Variants in SMAP2 observed in about 807,000 individuals in gnomAD.
SMAP2 encodes stromal membrane-associated protein 2.
Under a neutral mutation model 56.4 loss-of-function variants are expected in SMAP2, and 25 were observed. The observed-to-expected ratio is 0.44, with a 90% CI of 0.32 to 0.62. The LOEUF (loss-of-function observed/expected upper bound fraction) is 0.62. SMAP2 is among the 20% of genes least tolerant of loss of function. The pLI is 0.04. For synonymous variants in SMAP2, 157 were observed against 181.7 expected (o/e 0.86, Z 1.09); for missense variants, 388 against 545.6 (o/e 0.71, Z 2.88).
At chr1:40,352,410 T>C (rs1311907373) in intron 1 of SMAP2, among the ~76,000 whole-genome samples, 1 of 152,224 alleles carries the variant, frequency 6.6e-6, no homozygotes, top group Non-Finnish European at 1.5e-5. Flanking sequence ...CTGCCTATAA[T>C]GTTCTCCTCC....
At chr1:40,410,677 A>G (rs1007574072) in intron 4 of SMAP2, among the ~76,000 whole-genome samples, 1 of 152,180 alleles carries the variant, frequency 6.6e-6, no homozygotes, top group Non-Finnish European at 1.5e-5. Flanking sequence ...CCAAGAACAC[A>G]TTCCATCCTA....
chr1:40,376,745 G>A (rs570390624), intron 1 of SMAP2, among the ~76,000 whole-genome samples: 1 of 152,254 alleles, frequency 6.6e-6, no homozygotes, highest in East Asian at 1.9e-4. Flanking sequence ...TGAGAATTGG[G>A]TTTCAGTTTA....
intron 1 of SMAP2, among the ~76,000 whole-genome samples, chr1:40,387,274 C>T (rs1032795062): frequency 6.6e-6 from 1 of 151,992 alleles, no homozygotes; most frequent in Non-Finnish European, 1.5e-5. Flanking sequence ...GTGTAAATAC[C>T]TTTATTGTAT....
Position 40,420,765 on chromosome 1 carries a change from C to G in SMAP2, c.1165-1211C>G, listed in dbSNP as rs562778514. ...GAACCTCGATCCAATTATGAGAAAA[C>G]ATGAGATGAATCCAAATTGAGGGGT... is the stretch of plus-strand genomic sequence containing the variant. On this transcript the variant is annotated intron_variant, in intron 9 of 9. Coordinates refer to ENST00000372718, the MANE Select transcript of SMAP2 (RefSeq NM_022733.3). 3.9e-5 allele frequency among the ~76,000 whole-genome samples: 6 copies of G among 152,252 alleles called. No individual in the cohort carries two copies. The South Asian group carries it at 1.2e-3, about 32-fold the overall frequency.
At chr1:40,348,297 G>A (rs1467625822) in intron 1 of SMAP2, among the ~76,000 whole-genome samples, 1 of 152,160 alleles carries the variant, frequency 6.6e-6, no homozygotes, top group African/African-American at 2.4e-5. Flanking sequence ...CCAGAATTGA[G>A]TTAACAAATT....
rs749935818 is a variant in SMAP2 at position 40,423,052 on chromosome 1, G to A, written c.*951G>A. The A allele has an allele frequency of 8.5e-5, 13 of 152,490 alleles. No individual in the cohort carries two copies. The highest frequency in any genetic ancestry group is 3.1e-4 in the African/African-American group (13 of 41,388). The allele number at this position is 152,490 out of a possible 1,614,324, so 9.4% of individuals were successfully genotyped here. A position where few individuals can be genotyped will look rare whatever the true frequency, so the allele number is the denominator to read the frequency against. ...GTGTTTTTCTTATGGTTTAAAAAAC[G>A]CCATGTCATTGATAACTCCCTTTCT... On this transcript the variant is annotated 3_prime_UTR_variant, in exon 10 of 10. Coordinates refer to ENST00000372718, the MANE Select transcript of SMAP2 (RefSeq NM_022733.3).
intron 1 of SMAP2, among the ~76,000 whole-genome samples, chr1:40,356,397 GGTTTTTTGTTTTTTTTT>G (rs1455857600): frequency 6.7e-6 from 1 of 150,218 alleles, no homozygotes; most frequent in Non-Finnish European, 1.5e-5. Context: ...GTTTTTTGTG[GGTTTTTTGTTTTTTTTT>G]GTTTTTTTTT....
intron 1 of SMAP2, among the ~76,000 whole-genome samples, chr1:40,347,985 C>A (rs1016042385): frequency 6.6e-6 from 1 of 151,900 alleles, no homozygotes; most frequent in African/African-American, 2.4e-5. Flanking sequence ...TTCAATTTCT[C>A]ACTATTATAA....
chr1:40,378,000 T>A (rs190692778), intron 1 of SMAP2, among the ~76,000 whole-genome samples: 1 of 152,352 alleles, frequency 6.6e-6, no homozygotes, highest in Admixed American at 6.5e-5. Flanking sequence ...TTATAATATC[T>A]AATACAATGT....
chr1:40,370,870 A>G (rs1205113398), upstream of SMAP2, among the ~76,000 whole-genome samples: 4 of 151,006 alleles, frequency 2.6e-5, no homozygotes, highest in Admixed American at 2.0e-4. Flanking sequence ...AAAAAAAAAA[A>G]AAGAAAAGAA....
chr1:40,362,691 T>G (rs1487233980), intron 2 of SMAP2, among the ~76,000 whole-genome samples: 1 of 152,150 alleles, frequency 6.6e-6, no homozygotes, highest in Non-Finnish European at 1.5e-5. Context: ...ATTGATATGC[T>G]CTGGTGTGGG....
intron 7 of SMAP2, among the ~76,000 whole-genome samples, 162 bp from the exon 8 acceptor site, chr1:40,416,014 A>G (rs556035074): frequency 1.2e-4 from 18 of 152,212 alleles, no homozygotes; most frequent in Non-Finnish European, 8.8e-5. Context: ...CTTAATTATC[A>G]GGTGTGTTCA....
In SMAP2 at chr1:40,408,466, A is replaced by T. The variant is rs1233487453; in HGVS notation, c.238-187A>T. ...AGTGGGGGAAAGACAGCTTGGGGCAAATGATTGGGAAATCCTAGTAAGGTA... is the reference window on the plus strand; with the variant it reads ...AGTGGGGGAAAGACAGCTTGGGGCATATGATTGGGAAATCCTAGTAAGGTA... On this transcript the variant is annotated intron_variant, in intron 2 of 9. Transcript: ENST00000372718. This position sits in a 1 kb window ranked among gnomAD's most constrained non-coding sequence, Gnocchi z 4.3. 6.6e-6 allele frequency among the ~76,000 whole-genome samples: 1 copy of T among 152,186 alleles called. No homozygotes were observed. The highest frequency in any genetic ancestry group is 2.4e-5 in the African/African-American group (1 of 41,444).
At position 40,405,017 on chromosome 1, in the gene SMAP2, G is replaced by A. The variant is rs948994717; in HGVS notation, c.104-1719G>A. On this transcript the variant is annotated intron_variant, in intron 1 of 9. Transcript: ENST00000372718. ...ATTGGGATAAAATTTCAGGCGGAGA[G>A]CACCACCTGGTGGTAATAAGGAGAA... 1.1e-4 allele frequency among the ~76,000 whole-genome samples: 17 copies of A among 152,314 alleles called. 1 individual carries two copies. The highest frequency in any genetic ancestry group is 5.9e-4 in the Admixed American group (9 of 15,298).
chr1:40,349,389 G>C (rs1405134511), intron 1 of SMAP2, among the ~76,000 whole-genome samples: 1 of 152,164 alleles, frequency 6.6e-6, no homozygotes, highest in East Asian at 1.9e-4. Flanking sequence ...TCATGTTACA[G>C]ATGAGGAAAC....
intron 1 of SMAP2, among the ~76,000 whole-genome samples, chr1:40,377,885 G>A (rs1255144995): frequency 6.6e-6 from 1 of 152,188 alleles, no homozygotes; most frequent in East Asian, 1.9e-4. Flanking sequence ...GAACCTTCTG[G>A]GGTACTAAAA....
upstream of SMAP2, among the ~76,000 whole-genome samples, chr1:40,370,583 ATT>A (rs1644491948): frequency 1.7e-5 from 2 of 119,718 alleles, no homozygotes; most frequent in Admixed American, 1.7e-4. Context: ...GGAAATCATC[ATT>A]CTTAGTAAAC....
chr1:40,398,332 C>A (rs34639795), intron 1 of SMAP2, among the ~76,000 whole-genome samples: 14,345 of 50,858 alleles, frequency 0.28, 728 homozygotes, highest in East Asian at 0.46. Context: ...TGGGCTCAAG[C>A]AGTACTCCCG....
chr1:40,381,531 G>T (rs1252328761), intron 1 of SMAP2, among the ~76,000 whole-genome samples: 1 of 152,078 alleles, frequency 6.6e-6, no homozygotes, highest in Non-Finnish European at 1.5e-5. Flanking sequence ...AGCCTCGAAG[G>T]TGCACTGTTT....
Sources: allele counts gnomAD v4.1 joint callset (sites outside exome capture counted in the v4.1 genomes callset), GRCh38; gene constraint gnomAD v4.1.1; non-coding constraint Gnocchi (gnomAD v3.1); transcripts MANE v1.5; gene names NCBI Gene and HGNC (gene_info 2026-07-23, HGNC 2026-07-21).